ANKS1B: variants seen among roughly 807,000 people sequenced by gnomAD.
The protein encoded by ANKS1B is ankyrin repeat and sterile alpha motif domain containing 1B.
A neutral mutation model predicts 148.3 loss-of-function variants in ANKS1B; 36 were observed. That is an observed-to-expected ratio of 0.24 (90% CI 0.19 to 0.32). The LOEUF is 0.32. Among genes scored for constraint, ANKS1B ranks in the 10% least tolerant of loss-of-function variants. The probability of loss-of-function intolerance (pLI) is 1.00; values close to 1 mark genes in which losing one functional copy is unlikely to be tolerated. For synonymous variants in ANKS1B, 542 were observed against 560.8 expected, an observed-to-expected ratio of 0.97 and a Z score of 0.47; for missense variants, 1,157 against 1,542.6, an observed-to-expected ratio of 0.75 and a Z score of 4.19.
intron 12 of ANKS1B, among the ~76,000 whole-genome samples, chr12:99,312,760 G>A (rs2154026673): frequency 6.6e-6 from 1 of 151,782 alleles, no homozygotes; most frequent in East Asian, 1.9e-4. Context: ...AACAGGCATA[G>A]AATGTTGGCT....
intron 12 of ANKS1B, among the ~76,000 whole-genome samples, chr12:99,379,860 T>C (rs1566989644): frequency 6.6e-6 from 1 of 152,244 alleles, no homozygotes; most frequent in African/African-American, 2.4e-5. Flanking sequence ...AATTAGTGAA[T>C]ATTATAATTA....
At chr12:99,860,020 T>G (rs1023420377) in intron 1 of ANKS1B, among the ~76,000 whole-genome samples, 2 of 152,240 alleles carry the variant, frequency 1.3e-5, no homozygotes, top group African/African-American at 4.8e-5. Flanking sequence ...TTCTCATTTC[T>G]GAATCCCAAA....
rs563444744 is a variant in ANKS1B, at chr12:99,613,746, T to C, written c.1272+41321A>G. On this transcript the variant is annotated intron_variant, in intron 9 of 26. Coordinates refer to ENST00000683438, the MANE Select transcript of ANKS1B (RefSeq NM_001352186.2). ...AGGGAGAGGATCAGAAAATAACTAA[T>C]GGATACTAGGCTTAATACTTTGGTG... Among the ~76,000 whole-genome samples the C allele has an allele frequency of 5.9e-5, 9 of 152,120 alleles. No homozygotes were observed. The East Asian group carries it at 1.7e-3, about 29-fold the overall frequency.
intron 11 of ANKS1B, among the ~76,000 whole-genome samples, chr12:99,411,399 C>A (rs1451852160): frequency 6.6e-6 from 1 of 152,186 alleles, no homozygotes; most frequent in Non-Finnish European, 1.5e-5. Context: ...TTCTTTATGG[C>A]TGCATAGTAT....
In ANKS1B at chr12:99,560,840, C is replaced by CTTTTTTTT. The variant is rs58588885; in HGVS notation, c.1273-56207_1273-56200dup. Among the ~76,000 whole-genome samples, 587 of 71,908 alleles carry CTTTTTTTT rather than the reference C, an allele frequency of 8.2e-3. 1 individual carries two copies. Among genetic ancestry groups the CTTTTTTTT allele is most frequent in the East Asian group, 0.017 (38 of 2,256 alleles). The allele number at this position is 71,908 out of a possible 152,430, so 47.2% of individuals were successfully genotyped here. On this transcript the variant is annotated intron_variant, in intron 9 of 26. Coordinates refer to ENST00000683438, the MANE Select transcript of ANKS1B (RefSeq NM_001352186.2). ...TGCAATGGCAATTTCTTTCTTTTTTCTTTTTTTTTTTTTTTTTTTTTTTTG... is the reference window on the plus strand; with the variant it reads ...TGCAATGGCAATTTCTTTCTTTTTTCTTTTTTTTTTTTTTTTTTTTTTTTTTTTTTTTG...
At chr12:99,951,639 C>T (rs942901918) in intron 1 of ANKS1B, among the ~76,000 whole-genome samples, 4 of 151,784 alleles carry the variant, frequency 2.6e-5, no homozygotes, top group Non-Finnish European at 4.4e-5. Context: ...CTCTGGGAGG[C>T]TGAAGCAGGC....
intron 10 of ANKS1B, among the ~76,000 whole-genome samples, chr12:99,445,635 T>C (rs1350039680): frequency 6.6e-6 from 1 of 152,092 alleles, no homozygotes; most frequent in Non-Finnish European, 1.5e-5. Context: ...TGCTCAATTT[T>C]GCTGTGAGTC....
Position 98,773,059 on chromosome 12 carries a change from A to G in ANKS1B, c.3562T>C (p.Phe1188Leu), listed in dbSNP as rs2098610483. 1 of 1,614,000 alleles carries G rather than the reference A, an allele frequency of 6.2e-7. No homozygotes were observed. Among genetic ancestry groups the G allele is most frequent in the Non-Finnish European group, 8.5e-7 (1 of 1,179,886 alleles). ...GTACTCACCACATCAAAGGCAGTAA[A>G]CACATGACAGTAGTGGTGATTAGAC... ...LKSNHHYCHV[F>L]TAFDVNLAYE... Residue 1188 changes from phenylalanine (F) to leucine (L), a missense_variant, in exon 25 of 27, where the codon TTT (phenylalanine) becomes CTT (leucine). Physicochemically the swap from Phe to Leu is conservative, Grantham distance 22. This residue lies in a region of ANKS1B where 258 missense variants were observed against 497.0 expected (regional missense o/e 0.52). Transcript: ENST00000683438.
At chr12:99,837,713 C>T (rs373049240) in intron 1 of ANKS1B, among the ~76,000 whole-genome samples, 1 of 152,132 alleles carries the variant, frequency 6.6e-6, no homozygotes, top group East Asian at 1.9e-4. Context: ...GAGCCAATGA[C>T]ATTAACCACT....
At chr12:99,347,386 A>G (rs1258375012) in intron 12 of ANKS1B, among the ~76,000 whole-genome samples, 1 of 151,992 alleles carries the variant, frequency 6.6e-6, no homozygotes, top group Non-Finnish European at 1.5e-5. Context: ...AACAGGCCAC[A>G]TGATCAAATG....
chr12:98,949,311 T>A (rs2099850586), intron 17 of ANKS1B, among the ~76,000 whole-genome samples: 1 of 152,152 alleles, frequency 6.6e-6, no homozygotes, highest in Non-Finnish European at 1.5e-5. Context: ...CCATGAAGAC[T>A]AGGCCTCACA....
At chr12:99,865,316 G>T (rs1370615458) in intron 1 of ANKS1B, among the ~76,000 whole-genome samples, 1 of 152,154 alleles carries the variant, frequency 6.6e-6, no homozygotes. Context: ...ATTGACTCCA[G>T]TGATATTTTA....
chr12:99,415,286 A>G (rs1316107857), intron 11 of ANKS1B, among the ~76,000 whole-genome samples: 1 of 152,200 alleles, frequency 6.6e-6, no homozygotes, highest in Admixed American at 6.5e-5. Flanking sequence ...CAGAATTTAA[A>G]ATAAGTAAAA....
intron 25 of ANKS1B, among the ~76,000 whole-genome samples, chr12:98,767,308 G>A (rs767954292): frequency 4.6e-5 from 7 of 152,050 alleles, no homozygotes; most frequent in East Asian, 1.9e-4. Context: ...TCACACAGTC[G>A]GATGACCATG....
chr12:99,670,802 TG>T (rs1375514756), intron 8 of ANKS1B, among the ~76,000 whole-genome samples: 1 of 151,990 alleles, frequency 6.6e-6, no homozygotes, highest in Non-Finnish European at 1.5e-5. Context: ...AAAGGGGAGA[TG>T]GGAATGAGGC....
chr12:99,453,456 A>C (rs1004719293), intron 10 of ANKS1B, among the ~76,000 whole-genome samples: 30 of 152,184 alleles, frequency 2.0e-4, no homozygotes, highest in African/African-American at 5.3e-4. Context: ...GCAAAGGCCT[A>C]CGTGGCATGG....
chr12:99,831,849 G>C (rs926116877), intron 1 of ANKS1B, among the ~76,000 whole-genome samples: 3 of 152,102 alleles, frequency 2.0e-5, no homozygotes, highest in African/African-American at 7.2e-5. Flanking sequence ...CAGATAAACA[G>C]ATATCACTAT....
intron 14 of ANKS1B, among the ~76,000 whole-genome samples, chr12:99,163,263 CT>C (rs1219255059): frequency 2.0e-5 from 3 of 151,904 alleles, no homozygotes; most frequent in African/African-American, 7.2e-5. Flanking sequence ...CTTTTATTTT[CT>C]TTTTTTAAAG....
chr12:99,739,455 C>T (rs1446721389), intron 8 of ANKS1B, among the ~76,000 whole-genome samples: 1 of 151,930 alleles, frequency 6.6e-6, no homozygotes, highest in African/African-American at 2.4e-5. Context: ...ATCCTGACTC[C>T]AGGGACTAAC....
Sources: gnomAD v4.1 joint callset for allele counts (sites outside exome capture counted in the v4.1 genomes callset) on GRCh38, gnomAD v4.1.1 for gene constraint, gnomAD v4.1.1 regional missense constraint, MANE v1.5 for transcripts, NCBI Gene and HGNC (gene_info 2026-07-23, HGNC 2026-07-21) for gene names.